FBXO34: variants seen among roughly 807,000 people sequenced by gnomAD.
FBXO34 encodes F-box protein 34, also known as F-box only protein 34.
Under a neutral mutation model 24.5 loss-of-function variants are expected in FBXO34, and 12 were observed. That is an observed-to-expected ratio of 0.49 (90% CI 0.31 to 0.79). The LOEUF (loss-of-function observed/expected upper bound fraction) is 0.79. FBXO34 is among the 30% of genes least tolerant of loss of function. The pLI is 0.04. For synonymous variants in FBXO34, 320 were observed against 311.9 expected (o/e 1.03, Z -0.27); for missense variants, 823 against 857.7 (o/e 0.96, Z 0.51).
chr14:55,365,155 G>A (rs1328073661), downstream of FBXO34, among the ~76,000 whole-genome samples: 1 of 148,040 alleles, frequency 6.8e-6, no homozygotes, highest in Non-Finnish European at 1.5e-5. Flanking sequence ...AGCTTGCAGT[G>A]AGCCGAGATC....
intron 1 of FBXO34, among the ~76,000 whole-genome samples, chr14:55,304,910 T>G (rs1882487451): frequency 6.6e-6 from 1 of 152,262 alleles, no homozygotes; most frequent in Non-Finnish European, 1.5e-5. Context: ...GTTTTTAACC[T>G]ATTTTGTTTT....
chr14:55,369,658 C>T (rs377499505), downstream of FBXO34: 30 of 1,550,704 alleles, frequency 1.9e-5, no homozygotes, highest in African/African-American at 6.8e-5. Flanking sequence ...AGGAGGTCAC[C>T]GAGGCTGCTG....
At chr14:55,284,538 T>C (rs1283390915) in intron 1 of FBXO34, among the ~76,000 whole-genome samples, 5 of 136,154 alleles carry the variant, frequency 3.7e-5, no homozygotes, top group African/African-American at 1.3e-4. Flanking sequence ...AAAAAGTGAA[T>C]GATTTATTTT....
At chr14:55,313,741 G>C (rs987741541) in intron 1 of FBXO34, among the ~76,000 whole-genome samples, 26 of 152,156 alleles carry the variant, frequency 1.7e-4, no homozygotes, top group Admixed American at 5.2e-4. Context: ...CAGATCTCGT[G>C]AGAACTGACC....
In FBXO34 at chr14:55,351,424, C is replaced by T; in HGVS notation, c.1034C>T (p.Ser345Phe). 1 of 1,614,174 alleles carries T rather than the reference C, an allele frequency of 6.2e-7. No homozygotes were observed. The highest frequency in any genetic ancestry group is 8.5e-7 in the Non-Finnish European group (1 of 1,180,008). Reference sequence around the variant, plus strand: ...GACACTCAGGTGAATCCTGTGGGGTCTGTATCTGTGGATTGTGGCCCTTCA... The same window carrying T: ...GACACTCAGGTGAATCCTGTGGGGTTTGTATCTGTGGATTGTGGCCCTTCA... Reference protein sequence around the residue: ...APDTQVNPVGSVSVDCGPSRA... With the variant: ...APDTQVNPVGFVSVDCGPSRA... The change falls in exon 2 of 2, where the codon TCT becomes TTT. Residue 345 changes from serine to phenylalanine, a missense_variant. Physicochemically the swap from Ser to Phe is radical, Grantham distance 155. Transcript: ENST00000313833.
the FBXO34 span, chr14:55,433,711 G>T: frequency 1.2e-6 from 2 of 1,613,772 alleles, no homozygotes. Flanking sequence ...CATTATGACA[G>T]CAGCAAACCT....
At chr14:55,396,552 C>G in the FBXO34 span, among the ~76,000 whole-genome samples, 2 of 152,170 alleles carry the variant, frequency 1.3e-5, no homozygotes, top group African/African-American at 4.8e-5. Flanking sequence ...GAATCAGTGG[C>G]CTGAGCATTA....
downstream of FBXO34, among the ~76,000 whole-genome samples, chr14:55,371,201 G>A (rs1884809502): frequency 6.6e-6 from 1 of 152,170 alleles, no homozygotes; most frequent in Non-Finnish European, 1.5e-5. Context: ...GAAATAAATA[G>A]CAGGCAGAAA....
At chr14:55,366,234 T>A (rs573068594), downstream of FBXO34, among the ~76,000 whole-genome samples, 138 of 152,288 alleles carry the variant, frequency 9.1e-4, no homozygotes, top group African/African-American at 2.9e-3. Context: ...TCCATAATTT[T>A]AAAAAATATA....
chr14:55,380,273 C>A, the FBXO34 span, among the ~76,000 whole-genome samples: 11 of 151,838 alleles, frequency 7.2e-5, no homozygotes, highest in South Asian at 6.3e-4. Flanking sequence ...ACAACAACAA[C>A]AAATCAAAGA....
At chr14:55,349,485 AG>A (rs1433751706) in intron 1 of FBXO34, among the ~76,000 whole-genome samples, 5 of 135,092 alleles carry the variant, frequency 3.7e-5, no homozygotes, top group African/African-American at 1.2e-4. Context: ...TTCTACACAT[AG>A]ATTATTTAGA....
intron 1 of FBXO34, among the ~76,000 whole-genome samples, chr14:55,321,167 T>G (rs111737550): frequency 1.5e-5 from 2 of 134,530 alleles, no homozygotes. Flanking sequence ...ATGGGCGGTT[T>G]TTTTTTTTTT....
the FBXO34 span, among the ~76,000 whole-genome samples, chr14:55,387,468 G>C: frequency 6.6e-6 from 1 of 151,970 alleles, no homozygotes; most frequent in South Asian, 2.1e-4. Context: ...TTTGCTCTTC[G>C]GAACCCTATG....
chr14:55,306,486 TTTAAG>T (rs1374786306), intron 1 of FBXO34, among the ~76,000 whole-genome samples: 1 of 152,222 alleles, frequency 6.6e-6, no homozygotes, highest in African/African-American at 2.4e-5. Context: ...GTGCATATAT[TTTAAG>T]TTAACAAATT....
the FBXO34 span, chr14:55,411,745 C>T: frequency 3.1e-6 from 5 of 1,610,070 alleles, no homozygotes; most frequent in South Asian, 4.4e-5. Context: ...CGGAGTCCAC[C>T]AGGTCCCGGG....
intron 1 of FBXO34, among the ~76,000 whole-genome samples, chr14:55,304,562 A>G (rs186967432): frequency 7.9e-5 from 12 of 152,286 alleles, no homozygotes; most frequent in Admixed American, 5.9e-4. Context: ...GTGCAGTGAC[A>G]TGATCTTAGC....
chr14:55,441,952 GA>G, the FBXO34 span, among the ~76,000 whole-genome samples: 1 of 151,274 alleles, frequency 6.6e-6, no homozygotes, highest in Non-Finnish European at 1.5e-5. Context: ...TAGTAGAGAC[GA>G]GTTTTCACCT....
chr14:55,347,182 C>A (rs1046924365), intron 1 of FBXO34, among the ~76,000 whole-genome samples: 2 of 152,138 alleles, frequency 1.3e-5, no homozygotes, highest in Non-Finnish European at 2.9e-5. Context: ...GTTTAAAATA[C>A]AATTGTGATG....
At chr14:55,348,603 A>G (rs1884237842) in intron 1 of FBXO34, among the ~76,000 whole-genome samples, 1 of 152,020 alleles carries the variant, frequency 6.6e-6, no homozygotes. Context: ...TCCTGGCCTC[A>G]AAGGGTCCTC....
Sources: allele counts gnomAD v4.1 joint callset (sites outside exome capture counted in the v4.1 genomes callset), GRCh38; gene constraint gnomAD v4.1.1; transcripts MANE v1.5; gene names NCBI Gene and HGNC (gene_info 2026-07-23, HGNC 2026-07-21).